Variants in ASH1L observed in about 807,000 individuals in gnomAD.
The protein encoded by ASH1L is histone-lysine N-methyltransferase ASH1L.
In ASH1L, 23 loss-of-function variants were observed where a neutral mutation model predicts 269.0. The ratio of observed to expected loss-of-function variants is 0.09; its 90% CI spans 0.06 to 0.12. The LOEUF (loss-of-function observed/expected upper bound fraction) is 0.12, where lower values mean the gene tolerates loss of function less well. Among genes scored for constraint, ASH1L ranks in the 10% least tolerant of loss-of-function variants. The pLI, the probability that ASH1L is intolerant of heterozygous loss-of-function variation, is 1.00. For synonymous variants in ASH1L, 1,187 were observed against 1,253.5 expected, an observed-to-expected ratio of 0.95 and a Z score of 1.12; for missense variants, 2,912 against 3,567.8, an observed-to-expected ratio of 0.82 and a Z score of 4.68.
chr1:155,559,361 C>T (rs1053962149), intron 1 of ASH1L, among the ~76,000 whole-genome samples: 1 of 151,812 alleles, frequency 6.6e-6, no homozygotes, highest in Non-Finnish European at 1.5e-5. Context: ...CATGGAGAAA[C>T]GCTGTCTCTA....
chr1:155,339,253 A>T, intron 26 of ASH1L, 75 bp downstream of exon 26: 1 of 1,288,290 alleles, frequency 7.8e-7, no homozygotes, highest in Non-Finnish European at 1.1e-6. Flanking sequence ...CTGAGTGGGT[A>T]GTTGTTTGTT....
chr1:155,354,489 A>G lies in ASH1L; in HGVS notation c.7197T>C (p.Asp2399=). The change falls in exon 16 of 28, where the codon GAT becomes GAC. Residue 2399 remains aspartate, a synonymous_variant. Coordinates refer to ENST00000392403, the MANE Select transcript of ASH1L (RefSeq NM_018489.3). ...ATGCCTTACCAGACTTGATATTCCC[A>G]TCATCTCGGCAGATCCCATTCCAAC... ...YTRWNGICRD[D]GNIKSDVFMT... 1.2e-6 allele frequency: 2 copies of G among 1,607,544 alleles called. No homozygotes were observed. Among genetic ancestry groups the G allele is most frequent in the Non-Finnish European group, 1.7e-6 (2 of 1,178,492 alleles).
intron 5 of ASH1L, among the ~76,000 whole-genome samples, chr1:155,434,434 G>A (rs563170842): frequency 1.3e-5 from 2 of 148,680 alleles, no homozygotes; most frequent in East Asian, 2.0e-4. Flanking sequence ...GAGGGAAGGT[G>A]AAGTTCAATG....
In ASH1L at chr1:155,521,293, T is replaced by C; in HGVS notation, c.227A>G (p.Lys76Arg). 6.2e-7 allele frequency: 1 copy of C among 1,614,166 alleles called. No homozygotes were observed. Among genetic ancestry groups the C allele is most frequent in the Non-Finnish European group, 8.5e-7 (1 of 1,180,032 alleles). The change falls in exon 2 of 28, where the codon AAA (lysine) becomes AGA (arginine). Residue 76 changes from lysine (K) to arginine (R), a missense_variant. Lys to Arg is a conservative substitution (Grantham distance 26, BLOSUM62 2). Transcript: ENST00000392403. ...ATTTCCCTCTGAAAAGTTTGTTTCT[T>C]TCACTGAAAACTGTTGCTGTGCATC... The part of the protein sequence containing the change: ...LTDAQQQFSV[K>R]ETNFSEGNLK...
intron 7 of ASH1L, among the ~76,000 whole-genome samples, chr1:155,386,388 T>C (rs1657431804): frequency 6.6e-6 from 1 of 151,428 alleles, no homozygotes; most frequent in Non-Finnish European, 1.5e-5. Flanking sequence ...AAAAAAATTT[T>C]ATTATTATTG....
At chr1:155,389,438 C>T (rs550540401) in intron 7 of ASH1L, among the ~76,000 whole-genome samples, 9 of 152,060 alleles carry the variant, frequency 5.9e-5, no homozygotes, top group African/African-American at 1.4e-4. Flanking sequence ...TTTGGAAGGA[C>T]GAGGTGGGTG....
intron 6 of ASH1L, chr1:155,396,955 C>A (rs1178912594): frequency 2.1e-5 from 3 of 143,970 alleles, no homozygotes; most frequent in Non-Finnish European, 4.6e-5. Context: ...CAGCTAGACA[C>A]CATCTCAAAA....
rs1448022352 is a variant in ASH1L at position 155,554,179 on chromosome 1, G to C, written c.-100+7974C>G. On this transcript the variant is annotated intron_variant, in intron 1 of 27. Coordinates refer to ENST00000392403, the MANE Select transcript of ASH1L (RefSeq NM_018489.3). ...AGTTTACTGCAGCCTCAATCTCCCA[G>C]GCTCAAGTGATTCTCTCACCTCAGC... 2.6e-5 allele frequency among the ~76,000 whole-genome samples: 4 copies of C among 151,694 alleles called. No homozygotes were observed. The East Asian group carries it at 7.7e-4, about 29-fold the overall frequency.
At chr1:155,563,126 C>T (rs1471539255), upstream of ASH1L, 1 of 457,590 alleles carries the variant, frequency 2.2e-6, no homozygotes, top group Non-Finnish European at 4.4e-6. Flanking sequence ...GCTCCTCCTC[C>T]TCCGCCGGAT....
intron 5 of ASH1L, among the ~76,000 whole-genome samples, chr1:155,434,585 G>T (rs1015796523): frequency 2.6e-5 from 4 of 151,848 alleles, no homozygotes; most frequent in Non-Finnish European, 5.9e-5. Context: ...GGGCGCCGTA[G>T]CTCACACCTG....
chr1:155,562,323 G>A lies in ASH1L; in HGVS notation c.-270C>T, dbSNP rs753772495. The A allele has an allele frequency of 4.4e-5, 69 of 1,578,528 alleles. 1 individual carries two copies. Among genetic ancestry groups the A allele is most frequent in the Non-Finnish European group, 5.5e-5 (63 of 1,152,018 alleles). ...GGCGGAAATGCGAGAGAGGAGAAGG[G>A]AAAGGTGGAAGGCTAAAGGGGGCAA... is the stretch of plus-strand genomic sequence containing the variant. On this transcript the variant is annotated 5_prime_UTR_variant, in exon 1 of 28. Transcript: ENST00000392403.
In ASH1L at chr1:155,433,958, A is replaced by T. The variant is rs751732578; in HGVS notation, c.5828+4369T>A. 1.5e-5 allele frequency: 24 copies of T among 1,580,328 alleles called. No homozygotes were observed. In the East Asian group the frequency reaches 3.7e-4, roughly 24 times the overall value. ...GTGCCCGAAACCCACACTGCAGCAG[A>T]TCAGCCACATCGCCCAGCAGCTTGG... On this transcript the variant is annotated intron_variant, in intron 5 of 27. Transcript: ENST00000392403.
chr1:155,368,330 G>C (rs1225505853), intron 12 of ASH1L, among the ~76,000 whole-genome samples: 1 of 152,038 alleles, frequency 6.6e-6, no homozygotes, highest in East Asian at 1.9e-4. Flanking sequence ...AGAATTATCA[G>C]TGAAGACATC....
At chr1:155,421,323 T>G (rs1311217661) in intron 5 of ASH1L, among the ~76,000 whole-genome samples, 2 of 147,070 alleles carry the variant, frequency 1.4e-5, no homozygotes, top group Non-Finnish European at 3.0e-5. Context: ...AACAGTTTTT[T>G]TTTTTTTTTT....
At chr1:155,391,488 G>A (rs1189669066) in intron 7 of ASH1L, among the ~76,000 whole-genome samples, 1 of 151,872 alleles carries the variant, frequency 6.6e-6, no homozygotes, top group African/African-American at 2.4e-5. Flanking sequence ...TAAAATCCTT[G>A]TCTGCTATTT....
At chr1:155,424,308 T>C (rs1660956426) in intron 5 of ASH1L, among the ~76,000 whole-genome samples, 1 of 152,168 alleles carries the variant, frequency 6.6e-6, no homozygotes, top group South Asian at 2.1e-4. Flanking sequence ...TGGAGATGAT[T>C]AGTGTCATAT....
chr1:155,415,517 C>T (rs1019220007), intron 6 of ASH1L, among the ~76,000 whole-genome samples: 3 of 151,972 alleles, frequency 2.0e-5, no homozygotes, highest in African/African-American at 4.8e-5. Flanking sequence ...ACAGTGAACA[C>T]TGGTATTTGT....
rs762019708 is a variant in ASH1L at position 155,349,569 on chromosome 1, G to T, written c.7394C>A (p.Pro2465Gln). 2 of 1,614,004 alleles carry T rather than the reference G, an allele frequency of 1.2e-6. No individual in the cohort carries two copies. Among genetic ancestry groups the T allele is most frequent in the Admixed American group, 3.3e-5 (2 of 59,992 alleles). The change falls in exon 18 of 28, where the codon CCA becomes CAA. Residue 2465 changes from proline to glutamine, a missense_variant. This residue lies in a region of ASH1L where 309 missense variants were observed against 435.1 expected (regional missense o/e 0.71). Transcript: ENST00000392403. Reference protein sequence around the residue: ...KDSSRQALAAPLLNLPPKKKN... With the variant: ...KDSSRQALAAQLLNLPPKKKN... ...TTTCTTTGGGGGAAGGTTCAAAAGT[G>T]GAGCTGCCAGTGCTTGCCGGGAAGA...
intron 2 of ASH1L, among the ~76,000 whole-genome samples, chr1:155,495,005 C>T (rs1207483947): frequency 6.6e-6 from 1 of 151,918 alleles, no homozygotes; most frequent in Non-Finnish European, 1.5e-5. Context: ...TTTCCAGGAG[C>T]GACAAATGCT....
Sources: allele counts gnomAD v4.1 joint callset (sites outside exome capture counted in the v4.1 genomes callset), GRCh38; gene constraint gnomAD v4.1.1; regional missense constraint gnomAD v4.1.1; transcripts MANE v1.5; gene names NCBI Gene and HGNC (gene_info 2026-07-23, HGNC 2026-07-21).